Variants in CDKL5 observed in about 807,000 individuals in gnomAD.
CDKL5 encodes the protein cyclin dependent kinase like 5, also known as cyclin-dependent kinase-like 5.
CDKL5 carries 8 observed loss-of-function variants against 61.7 expected under a neutral mutation model. The observed-to-expected ratio is 0.13, with a 90% CI of 0.08 to 0.23. The LOEUF (loss-of-function observed/expected upper bound fraction) is 0.23. Among genes scored for constraint, CDKL5 ranks in the 10% least tolerant of loss-of-function variants. CDKL5 has a pLI of 1.00. For missense variants in CDKL5, 440 were observed against 734.5 expected, an observed-to-expected ratio of 0.60 and a Z score of 4.63; for synonymous variants, 275 against 272.3, an observed-to-expected ratio of 1.01 and a Z score of -0.10.
In CDKL5 at chrX:18,604,668, T is replaced by A; in HGVS notation, c.1744T>A (p.Ser582Thr). The stretch of plus-strand genomic sequence containing the variant: ...GCCGGAGCACATGGACAGTAGCCAT[T>A]CCCATTCACTGTCTGCACCTCACGA... The part of the protein sequence containing the change: ...KLPEHMDSSH[S>T]HSLSAPHESF... The change falls in exon 12 of 18, where the codon TCC becomes ACC. Residue 582 changes from serine to threonine, a missense_variant. Physicochemically the swap from Ser to Thr is moderately conservative, Grantham distance 58. Around this residue, in one of 2 missense-constraint regions of CDKL5, gnomAD observed 363 missense variants for 516.3 expected, o/e 0.70. Coordinates refer to ENST00000623535, the MANE Select transcript of CDKL5 (RefSeq NM_001323289.2). 1 of 1,210,902 alleles carries A rather than the reference T, an allele frequency of 8.3e-7. No homozygotes were observed. The highest frequency in any genetic ancestry group is 1.1e-6 in the Non-Finnish European group (1 of 894,491).
chrX:18,440,654 G>C (rs768593271), intron 1 of CDKL5, among the ~76,000 whole-genome samples: 1 of 111,973 alleles, frequency 8.9e-6, no homozygotes, highest in East Asian at 2.8e-4. Flanking sequence ...TGTATTTTTA[G>C]TAGAGACGGC....
At chrX:18,434,619 G>C (rs1318607781) in intron 1 of CDKL5, among the ~76,000 whole-genome samples, 1 of 112,098 alleles carries the variant, frequency 8.9e-6, no homozygotes, top group East Asian at 2.8e-4. Context: ...TTAGATATCA[G>C]TTTTAAACTG....
intron 20 of CDKL5, chrX:18,650,267 G>C (rs755597463): frequency 5.4e-6 from 3 of 552,568 alleles, no homozygotes; most frequent in African/African-American, 4.5e-5. Flanking sequence ...CTAAAGACCC[G>C]TGTGTCCAGA....
At chrX:18,606,588 T>C (rs968247111) in intron 12 of CDKL5, among the ~76,000 whole-genome samples, 1 of 111,821 alleles carries the variant, frequency 8.9e-6, no homozygotes, top group Non-Finnish European at 1.9e-5. Flanking sequence ...ACAGTCCAAG[T>C]TGTGAGTTGT....
intron 3 of CDKL5, among the ~76,000 whole-genome samples, chrX:18,549,144 C>G: frequency 8.9e-6 from 1 of 112,028 alleles, no homozygotes; most frequent in Non-Finnish European, 1.9e-5. Flanking sequence ...TGAGTATATA[C>G]GCATGGGTCT....
chrX:18,437,418 T>C (rs1434919560), intron 1 of CDKL5, among the ~76,000 whole-genome samples: 1 of 112,460 alleles, frequency 8.9e-6, no homozygotes, highest in East Asian at 2.8e-4. Flanking sequence ...AATTCTTTGC[T>C]GTTTTTTTCC....
chrX:18,482,153 CCTTCTTTTTT>C (rs1415213918), intron 1 of CDKL5, among the ~76,000 whole-genome samples: 1 of 111,344 alleles, frequency 9.0e-6, no homozygotes, highest in Non-Finnish European at 1.9e-5. Flanking sequence ...TCTTCTCTTT[CCTTCTTTTTT>C]TGTATCCTTT....
intron 1 of CDKL5, among the ~76,000 whole-genome samples, chrX:18,483,273 G>A (rs976989185): frequency 9.0e-6 from 1 of 111,518 alleles, no homozygotes; most frequent in Non-Finnish European, 1.9e-5. Context: ...TGAGAAAATA[G>A]GCTTGAAGGG....
chrX:18,513,925 C>A (rs1477122003), intron 3 of CDKL5, among the ~76,000 whole-genome samples: 2 of 111,577 alleles, frequency 1.8e-5, no homozygotes, highest in Non-Finnish European at 3.8e-5. Context: ...AGGCCAATAT[C>A]TTTTGCATAC....
At chrX:18,579,187 G>A (rs961354472) in intron 5 of CDKL5, among the ~76,000 whole-genome samples, 7 of 111,573 alleles carry the variant, frequency 6.3e-5, no homozygotes, top group Non-Finnish European at 1.1e-4. Context: ...AAGGAGAATG[G>A]TTAATCTGGA....
At chrX:18,595,743 T>C (rs1214265729) in intron 10 of CDKL5, among the ~76,000 whole-genome samples, 1 of 112,241 alleles carries the variant, frequency 8.9e-6, no homozygotes, top group Non-Finnish European at 1.9e-5. Flanking sequence ...AAAATCAATG[T>C]TGAAAGAAGA....
rs376784931 is a variant in CDKL5 at position 18,479,598 on chromosome X, C to T, written c.-162-27337C>T. On this transcript the variant is annotated intron_variant, in intron 1 of 17. Transcript: ENST00000623535. Reference sequence around the variant, plus strand: ...CCTCCCAAAGTGCTGGGATTACAGACGTGAGCCACCACGCCCGGCCAGCCA... The same window carrying T: ...CCTCCCAAAGTGCTGGGATTACAGATGTGAGCCACCACGCCCGGCCAGCCA... Among the ~76,000 whole-genome samples the T allele has an allele frequency of 2.8e-4, 31 of 110,824 alleles. 1 individual carries two copies. Among genetic ancestry groups the T allele is most frequent in the East Asian group, 1.7e-3 (6 of 3,512 alleles).
intron 1 of CDKL5, among the ~76,000 whole-genome samples, chrX:18,427,803 G>A (rs1379668731): frequency 1.8e-5 from 2 of 110,965 alleles, no homozygotes; most frequent in Non-Finnish European, 3.8e-5. Flanking sequence ...TCATGATTTA[G>A]GGGTTTGTGA....
chrX:18,486,260 A>G (rs1016054321), intron 1 of CDKL5, among the ~76,000 whole-genome samples: 1 of 111,946 alleles, frequency 8.9e-6, no homozygotes, highest in Non-Finnish European at 1.9e-5. Context: ...TAATTCAGAT[A>G]TCACCTCTTC....
At chrX:18,568,189 T>C (rs748752363) in intron 4 of CDKL5, among the ~76,000 whole-genome samples, 19 of 112,366 alleles carry the variant, frequency 1.7e-4, no homozygotes, top group African/African-American at 6.1e-4. Flanking sequence ...ATTCTCTCAC[T>C]GATATCACGG....
At chrX:18,515,591 A>G in intron 3 of CDKL5, among the ~76,000 whole-genome samples, 1 of 111,771 alleles carries the variant, frequency 8.9e-6, no homozygotes, top group Middle Eastern at 4.6e-3. Flanking sequence ...GTGGTAAACT[A>G]GAAAAGCTTT....
At chrX:18,551,873 G>A (rs1028732982) in intron 3 of CDKL5, among the ~76,000 whole-genome samples, 10 of 108,955 alleles carry the variant, frequency 9.2e-5, no homozygotes, top group Admixed American at 3.0e-4. Flanking sequence ...GATTATAGGC[G>A]TGAGCCACCA....
chrX:18,651,333 T>C (rs1238847686), intron 21 of CDKL5, among the ~76,000 whole-genome samples: 1 of 106,485 alleles, frequency 9.4e-6, no homozygotes, highest in African/African-American at 3.5e-5. Context: ...AGAGAGAAAC[T>C]TGTCGACAGC....
chrX:18,634,190 G>A lies in CDKL5; in HGVS notation c.*5433G>A. The stretch of plus-strand genomic sequence containing the variant: ...TTGTTTGTTACTCTTCCAACACAGG[G>A]TATCAGGGAGAAAGAGGCCTTATCT... On this transcript the variant is annotated 3_prime_UTR_variant, in exon 18 of 18. Transcript: ENST00000623535. The A allele has an allele frequency of 4.0e-6, 3 of 753,905 alleles. No individual in the cohort carries two copies. Among genetic ancestry groups the A allele is most frequent in the Non-Finnish European group, 4.7e-6 (3 of 639,180 alleles). 62.1% of individuals were successfully genotyped at this position (753,905 alleles called of 1,213,427 possible). A position where few individuals can be genotyped will look rare whatever the true frequency, so the allele number is the denominator to read the frequency against.
Sources: allele counts gnomAD v4.1 joint callset (sites outside exome capture counted in the v4.1 genomes callset), GRCh38; gene constraint gnomAD v4.1.1; regional missense constraint gnomAD v4.1.1; transcripts MANE v1.5; gene names NCBI Gene and HGNC (gene_info 2026-07-23, HGNC 2026-07-21).